ZNG1A: variants seen among roughly 807,000 people sequenced by gnomAD.
ZNG1A encodes the protein zinc-regulated GTPase metalloprotein activator 1A.
At chr9:139,703 G>C in the ZNG1A span, among the ~76,000 whole-genome samples, 1 of 151,160 alleles carries the variant, frequency 6.6e-6, no homozygotes, top group Non-Finnish European at 1.5e-5. Flanking sequence ...AGCTCCCAGC[G>C]TGAGAGACGC....
the ZNG1A span, among the ~76,000 whole-genome samples, chr9:144,375 C>T: frequency 1.3e-5 from 2 of 148,560 alleles, no homozygotes; most frequent in Non-Finnish European, 3.0e-5. Context: ...AGAACAGAGC[C>T]CTCAGAAATA....
chr9:155,527 G>C, the ZNG1A span, among the ~76,000 whole-genome samples: 2 of 151,964 alleles, frequency 1.3e-5, no homozygotes, highest in South Asian at 2.1e-4. Context: ...GAATCCAGTT[G>C]ACTGAATGCT....
chr9:169,726 C>T, the ZNG1A span, among the ~76,000 whole-genome samples: 15 of 148,216 alleles, frequency 1.0e-4, no homozygotes, highest in African/African-American at 2.8e-4. Flanking sequence ...AGCAAAAAGA[C>T]TATGACTTGC....
the ZNG1A span, among the ~76,000 whole-genome samples, chr9:125,326 CAT>C: frequency 1.1e-3 from 160 of 149,234 alleles, no homozygotes; most frequent in Middle Eastern, 3.4e-3. Flanking sequence ...AGCATTTTTC[CAT>C]ATGTTTATTG....
the ZNG1A span, chr9:165,852 GC>G: frequency 1.2e-5 from 1 of 81,718 alleles, no homozygotes; most frequent in Non-Finnish European, 2.2e-5. Context: ...AAAAGGGCCT[GC>G]CATAAATTTT....
chr9:138,255 C>A, the ZNG1A span, among the ~76,000 whole-genome samples: 2 of 151,294 alleles, frequency 1.3e-5, no homozygotes, highest in African/African-American at 2.4e-5. Context: ...CAACTGAAGA[C>A]AACTTCTTGA....
At chr9:177,429 C>G in the ZNG1A span, among the ~76,000 whole-genome samples, 1 of 151,048 alleles carries the variant, frequency 6.6e-6, no homozygotes, top group Non-Finnish European at 1.5e-5. Context: ...TGGTAACAGA[C>G]GAAGTTTCAG....
chr9:153,906 T>C, the ZNG1A span: 1 of 152,116 alleles, frequency 6.6e-6, no homozygotes, highest in Non-Finnish European at 1.5e-5. Context: ...AGATAACCAA[T>C]ACTAATAGCT....
At chr9:153,647 T>C in the ZNG1A span, 2 of 152,026 alleles carry the variant, frequency 1.3e-5, no homozygotes, top group South Asian at 4.2e-4. Flanking sequence ...ATTATATTTT[T>C]TTATAGTAAA....
the ZNG1A span, among the ~76,000 whole-genome samples, chr9:178,168 A>C: frequency 4.0e-5 from 6 of 151,028 alleles, no homozygotes; most frequent in African/African-American, 1.5e-4. Flanking sequence ...CCCTTCACGA[A>C]ACTACCAAGT....
chr9:133,910 T>G, the ZNG1A span, among the ~76,000 whole-genome samples: 1 of 147,980 alleles, frequency 6.8e-6, no homozygotes, highest in South Asian at 2.2e-4. Context: ...TAGAGGTTCA[T>G]TCGAGGCTCT....
chr9:164,367 G>C, the ZNG1A span: 1 of 197,482 alleles, frequency 5.1e-6, no homozygotes. Flanking sequence ...GAGCAGTATG[G>C]CTTTGTGCAC....
chr9:146,820 A>G, the ZNG1A span: 3 of 145,172 alleles, frequency 2.1e-5, no homozygotes, highest in Admixed American at 2.1e-4. Flanking sequence ...TGGTTTAAAT[A>G]TAAAAAAGCA....
chr9:148,088 C>A, the ZNG1A span: 1 of 135,570 alleles, frequency 7.4e-6, no homozygotes, highest in African/African-American at 2.8e-5. Context: ...AAAAATAAAC[C>A]AAATGAATGA....
At chr9:174,447 T>C in the ZNG1A span, among the ~76,000 whole-genome samples, 1 of 151,530 alleles carries the variant, frequency 6.6e-6, no homozygotes, top group Non-Finnish European at 1.5e-5. Context: ...AGAACATTAA[T>C]GAAACATGAA....
At chr9:155,973 A>T in the ZNG1A span, among the ~76,000 whole-genome samples, 37 of 146,410 alleles carry the variant, frequency 2.5e-4, no homozygotes, top group African/African-American at 7.7e-4. Context: ...ATAAAAAAAT[A>T]AAAAAAAAAT....
the ZNG1A span, among the ~76,000 whole-genome samples, chr9:178,627 G>C: frequency 3.7e-5 from 4 of 108,764 alleles, no homozygotes; most frequent in African/African-American, 1.1e-4. Flanking sequence ...TAACGCAGAG[G>C]GGGCCGGGCA....
the ZNG1A span, among the ~76,000 whole-genome samples, chr9:142,934 G>C: frequency 4.7e-5 from 6 of 128,262 alleles, no homozygotes; most frequent in African/African-American, 2.0e-4. Context: ...AAATAAACTA[G>C]AAAATCTAGA....
chr9:171,730 C>A, the ZNG1A span: 31 of 284,100 alleles, frequency 1.1e-4, no homozygotes, highest in South Asian at 1.1e-3. Flanking sequence ...TCAGAGATTC[C>A]GGAACTAATA....
Sources: allele counts gnomAD v4.1 joint callset (sites outside exome capture counted in the v4.1 genomes callset), GRCh38; gene constraint gnomAD v4.1.1; transcripts MANE v1.5; gene names NCBI Gene and HGNC (gene_info 2026-07-23, HGNC 2026-07-21).